The following CLSTN1 variants were observed in gnomAD, a reference collection of about 807,000 sequenced individuals.
CLSTN1 encodes the protein calsyntenin-1.
Under a neutral mutation model 108.3 loss-of-function variants are expected in CLSTN1, and 28 were observed. The observed-to-expected ratio is 0.26, with a 90% CI of 0.19 to 0.35. The LOEUF is 0.35. Among genes scored for constraint, CLSTN1 ranks in the 10% least tolerant of loss-of-function variants. The probability of loss-of-function intolerance (pLI) is 1.00; values close to 1 mark genes in which losing one functional copy is unlikely to be tolerated. For missense variants in CLSTN1, 1,157 were observed against 1,302.6 expected, an observed-to-expected ratio of 0.89 and a Z score of 1.72; for synonymous variants, 524 against 534.9, an observed-to-expected ratio of 0.98 and a Z score of 0.28.
chr1:9,787,139 G>A (rs775537862), intron 1 of CLSTN1, among the ~76,000 whole-genome samples: 2 of 150,860 alleles, frequency 1.3e-5, no homozygotes, highest in Non-Finnish European at 2.9e-5. Context: ...TCCCCAACTA[G>A]AACTGAGAGC....
intron 1 of CLSTN1, among the ~76,000 whole-genome samples, chr1:9,813,574 T>C (rs953798783): frequency 6.6e-6 from 1 of 152,186 alleles, no homozygotes; most frequent in African/African-American, 2.4e-5. Context: ...ACAGTTTGTT[T>C]TGCATTGGCC....
intron 5 of CLSTN1, among the ~76,000 whole-genome samples, chr1:9,750,927 T>C (rs540200465): frequency 1.3e-3 from 192 of 151,756 alleles, no homozygotes; most frequent in African/African-American, 4.3e-3. Flanking sequence ...TAGCTGGGCG[T>C]GGTGGTGGGC....
At chr1:9,749,412 C>T in intron 7 of CLSTN1, 49 bp downstream of exon 7, 2 of 1,525,650 alleles carry the variant, frequency 1.3e-6, no homozygotes, top group Non-Finnish European at 1.8e-6. Flanking sequence ...AAAGGTCCCT[C>T]CCACCTTCAC....
At chr1:9,766,982 G>A (rs549068112) in intron 2 of CLSTN1, among the ~76,000 whole-genome samples, 151 of 152,352 alleles carry the variant, frequency 9.9e-4, no homozygotes, top group Non-Finnish European at 1.7e-3. Flanking sequence ...ATGCCTTGTA[G>A]TGGGATCACA....
At chr1:9,812,574 C>T (rs1570524214) in intron 1 of CLSTN1, among the ~76,000 whole-genome samples, 1 of 152,208 alleles carries the variant, frequency 6.6e-6, no homozygotes, top group East Asian at 1.9e-4. Context: ...TGGCTGGGCA[C>T]GGTGGCTCAT....
At chr1:9,802,063 CA>C (rs1654295479) in intron 1 of CLSTN1, among the ~76,000 whole-genome samples, 1 of 152,154 alleles carries the variant, frequency 6.6e-6, no homozygotes, top group Non-Finnish European at 1.5e-5. Context: ...TCATCATCCC[CA>C]TTTTACAGAT....
At chr1:9,767,482 T>G (rs1409820840) in intron 2 of CLSTN1, among the ~76,000 whole-genome samples, 30 of 150,638 alleles carry the variant, frequency 2.0e-4, no homozygotes, top group Admixed American at 1.3e-3. Context: ...GAGGCGGAGG[T>G]TGCAGTGAGC....
intron 1 of CLSTN1, among the ~76,000 whole-genome samples, chr1:9,795,318 A>G (rs1442058243): frequency 1.3e-5 from 2 of 150,988 alleles, no homozygotes; most frequent in African/African-American, 4.8e-5. Flanking sequence ...GGCATGCGCC[A>G]CCACGCCCGG....
rs78468806 is a variant in CLSTN1, at chr1:9,755,873, C to T, written c.245-564G>A. 2.1e-3 allele frequency among the ~76,000 whole-genome samples: 319 copies of T among 152,220 alleles called. 1 individual carries two copies. The highest frequency in any genetic ancestry group is 7.2e-3 in the African/African-American group (300 of 41,566). On this transcript the variant is annotated intron_variant, in intron 3 of 18. Transcript: ENST00000377298. ...AAAATTAGGGAATCAAAACAAACTA[C>T]TCAATGAGAAAGGTAGAAATACCGA...
chr1:9,815,923 G>A (rs942792153), intron 1 of CLSTN1, among the ~76,000 whole-genome samples: 5 of 152,100 alleles, frequency 3.3e-5, no homozygotes, highest in African/African-American at 1.2e-4. Context: ...GTGACAGAGT[G>A]AGACTCTACC....
chr1:9,762,812 T>C (rs1260544254), intron 2 of CLSTN1, among the ~76,000 whole-genome samples: 1 of 151,634 alleles, frequency 6.6e-6, no homozygotes, highest in Non-Finnish European at 1.5e-5. Context: ...TTCTCTCTGC[T>C]CCACTCGGCC....
chr1:9,821,672 C>T (rs958506345), intron 1 of CLSTN1, among the ~76,000 whole-genome samples: 6 of 152,114 alleles, frequency 3.9e-5, no homozygotes, highest in African/African-American at 1.4e-4. Flanking sequence ...AACGAGCCCA[C>T]AGAGTGTCTC....
rs1022425614 is a variant in CLSTN1, at chr1:9,755,326, G to C, written c.245-17C>G. 1.9e-6 allele frequency: 3 copies of C among 1,591,900 alleles called. No individual in the cohort carries two copies. Among genetic ancestry groups the C allele is most frequent in the Non-Finnish European group, 2.6e-6 (3 of 1,163,570 alleles). Reference sequence around the variant, plus strand: ...AAATCTCACCTAGGGAGTCAAAGCAGAACAGGTAAGAATTCCTACCACATA... The same window carrying C: ...AAATCTCACCTAGGGAGTCAAAGCACAACAGGTAAGAATTCCTACCACATA... On this transcript the variant is annotated splice_polypyrimidine_tract_variant and intron_variant, in intron 3 of 18. Coordinates refer to ENST00000377298, the MANE Select transcript of CLSTN1 (RefSeq NM_001009566.3).
At chr1:9,743,796 A>C in intron 9 of CLSTN1, 88 bp downstream of exon 9, 2 of 1,492,878 alleles carry the variant, frequency 1.3e-6, no homozygotes, top group Non-Finnish European at 1.8e-6. Context: ...GGGCTCAAGC[A>C]ATCCTCGTGC....
At chr1:9,810,033 TGAGAAAGAGAGAGA>T (rs1239667550) in intron 1 of CLSTN1, among the ~76,000 whole-genome samples, 2 of 105,124 alleles carry the variant, frequency 1.9e-5, no homozygotes, top group Non-Finnish European at 3.9e-5. Flanking sequence ...AGGGAGACTC[TGAGAAAGAGAGAGA>T]GAGAAAGAGA....
At chr1:9,804,340 C>T (rs1469169338) in intron 1 of CLSTN1, among the ~76,000 whole-genome samples, 9 of 124,826 alleles carry the variant, frequency 7.2e-5, no homozygotes, top group African/African-American at 2.3e-4. Context: ...TCCAGCCTGG[C>T]GACAGAGAGA....
chr1:9,762,733 G>A (rs567260731), intron 2 of CLSTN1, among the ~76,000 whole-genome samples: 4 of 149,930 alleles, frequency 2.7e-5, no homozygotes, highest in East Asian at 2.0e-4. Context: ...CGCACTCAAC[G>A]GCTGGGTGTC....
chr1:9,824,201 C>A (rs1393250793), upstream of CLSTN1: 1 of 148,768 alleles, frequency 6.7e-6, no homozygotes, highest in African/African-American at 2.5e-5. The surrounding 1 kb of genome is among the most constrained non-coding windows in gnomAD (Gnocchi z 5.0). Context: ...GGGGACGCGC[C>A]TGGGGTGGGT....
rs772246978 is a variant in CLSTN1 at position 9,751,534 on chromosome 1, G to C, written c.588C>G (p.Phe196Leu). 6.8e-6 allele frequency: 11 copies of C among 1,614,156 alleles called. No individual in the cohort carries two copies. Among genetic ancestry groups the C allele is most frequent in the Non-Finnish European group, 6.8e-6 (8 of 1,180,034 alleles). Residue 196 changes from phenylalanine to leucine, a missense_variant, in exon 5 of 19, where the codon TTC becomes TTG. Physicochemically the swap from Phe to Leu is conservative, Grantham distance 22. Coordinates refer to ENST00000377298, the MANE Select transcript of CLSTN1 (RefSeq NM_001009566.3). ...TGATTTCGTAGCTGCAAATCTGGCT[G>C]AACTGAGGGGAGCAGTCGGCATCCA... ...EAVDADCSPQ[F>L]SQICSYEIIT...
Sources: gnomAD v4.1 joint callset for allele counts (sites outside exome capture counted in the v4.1 genomes callset) on GRCh38, gnomAD v4.1.1 for gene constraint, Gnocchi (gnomAD v3.1) non-coding constraint, MANE v1.5 for transcripts, NCBI Gene and HGNC (gene_info 2026-07-23, HGNC 2026-07-21) for gene names.